Variants in LRFN2 observed in about 807,000 individuals in gnomAD.
LRFN2 encodes leucine rich repeat and fibronectin type III domain containing 2.
A neutral mutation model predicts 37.3 loss-of-function variants in LRFN2; 18 were observed. The ratio of observed to expected loss-of-function variants is 0.48; its 90% confidence interval spans 0.33 to 0.72. The LOEUF is 0.72. Ranked by LOEUF, LRFN2 falls within the 30% of genes least tolerant of loss-of-function variation. The pLI is 0.02. For synonymous variants in LRFN2, 556 were observed against 466.6 expected (o/e 1.19, Z -2.47); for missense variants, 1,006 against 1,060.7 (o/e 0.95, Z 0.72).
At chr6:40,490,134 G>A (rs1262691596) in intron 1 of LRFN2, among the ~76,000 whole-genome samples, 1 of 152,170 alleles carries the variant, frequency 6.6e-6, no homozygotes, top group African/African-American at 2.4e-5. Context: ...CAGACCCCGT[G>A]GAAGCACATC....
At chr6:40,537,035 A>T (rs1194190996) in intron 1 of LRFN2, among the ~76,000 whole-genome samples, 1 of 152,242 alleles carries the variant, frequency 6.6e-6, no homozygotes, top group Non-Finnish European at 1.5e-5. Context: ...CGGAGGGTTG[A>T]CATACCCTGC....
In LRFN2 at chr6:40,392,869, C is replaced by G; in HGVS notation, c.1444G>C (p.Val482Leu). ...SNKAFVVNNL[V>L]SGTGYDLCVL... ...CACAAGTCGTAGCCAGTCCCTGACA[C>G]CAGGTTGTTGACCACGAAGGCCTTG... is the stretch of plus-strand genomic sequence containing the variant. The change falls in exon 3 of 3, where the codon GTG becomes CTG. Residue 482 changes from valine to leucine, a missense_variant. Val to Leu is a conservative substitution (Grantham distance 32, BLOSUM62 1). Coordinates refer to ENST00000338305, the MANE Select transcript of LRFN2 (RefSeq NM_020737.3). The surrounding 1 kb of genome is among the most constrained non-coding windows in gnomAD (Gnocchi z 4.7). 6.2e-7 allele frequency: 1 copy of G among 1,613,396 alleles called. No homozygotes were observed. Among genetic ancestry groups the G allele is most frequent in the Non-Finnish European group, 8.5e-7 (1 of 1,179,730 alleles).
At chr6:40,539,415 A>T (rs1766511711) in intron 1 of LRFN2, among the ~76,000 whole-genome samples, 1 of 152,232 alleles carries the variant, frequency 6.6e-6, no homozygotes, top group Admixed American at 6.5e-5. Flanking sequence ...ATAAATAAAG[A>T]CAGAGAGTTC....
intron 1 of LRFN2, among the ~76,000 whole-genome samples, chr6:40,504,360 G>A (rs182786588): frequency 1.4e-4 from 22 of 152,268 alleles, no homozygotes; most frequent in Admixed American, 1.4e-3. Flanking sequence ...ATAATCACAG[G>A]ACGATCTTAA....
At chr6:40,532,996 G>A (rs1215145993) in intron 1 of LRFN2, among the ~76,000 whole-genome samples, 1 of 152,170 alleles carries the variant, frequency 6.6e-6, no homozygotes, top group East Asian at 1.9e-4. Flanking sequence ...AAAATGCAAC[G>A]GCCAACTGTA....
At chr6:40,499,400 A>G (rs980512394) in intron 1 of LRFN2, among the ~76,000 whole-genome samples, 1 of 150,956 alleles carries the variant, frequency 6.6e-6, no homozygotes, top group Non-Finnish European at 1.5e-5. Context: ...TTTTTTTTTT[A>G]AAGAATCAGA....
At position 40,552,863 on chromosome 6, in the gene LRFN2, A is replaced by G. The variant is rs189854436; in HGVS notation, c.-19+34078T>C. Among the ~76,000 whole-genome samples the G allele has an allele frequency of 2.0e-5, 3 of 152,274 alleles. No individual in the cohort carries two copies. In the East Asian group the frequency reaches 5.8e-4, roughly 29 times the overall value. ...ATCAGTTCCCATCATGTACTATGGA[A>G]TTTTCTTGACTAGAATAATTCTGTG... is the stretch of plus-strand genomic sequence containing the variant. On this transcript the variant is annotated intron_variant, in intron 1 of 2. Transcript: ENST00000338305.
intron 1 of LRFN2, among the ~76,000 whole-genome samples, chr6:40,460,487 C>T (rs865860701): frequency 5.3e-5 from 8 of 152,262 alleles, no homozygotes; most frequent in Middle Eastern, 3.4e-3. Context: ...GAATGGAGAG[C>T]TGGATTCAGC....
chr6:40,429,270 C>G (rs1332503770), intron 2 of LRFN2, among the ~76,000 whole-genome samples: 2 of 152,238 alleles, frequency 1.3e-5, no homozygotes, highest in African/African-American at 4.8e-5. Context: ...CTGTCCTCCT[C>G]CTCCCAGTAT....
Position 40,399,648 on chromosome 6 carries a change from C to T in LRFN2, c.1401-6736G>A, listed in dbSNP as rs1332412692. Among the ~76,000 whole-genome samples, 2 of 151,210 alleles carry T rather than the reference C, an allele frequency of 1.3e-5. 1 individual carries two copies. Among genetic ancestry groups the T allele is most frequent in the African/African-American group, 4.8e-5 (2 of 41,306 alleles). ...AGGCGGGGTTTCACCATGTTGCCCA[C>T]GGTGGTCTTGAACTCTTGAGCTCAG... On this transcript the variant is annotated intron_variant, in intron 2 of 2. Transcript: ENST00000338305.
chr6:40,440,308 G>A (rs935230451), intron 1 of LRFN2, among the ~76,000 whole-genome samples: 9 of 152,120 alleles, frequency 5.9e-5, no homozygotes, highest in East Asian at 3.9e-4. Flanking sequence ...TAGCACGTCC[G>A]TGATAGCTTT....
chr6:40,444,335 C>A (rs924645870), intron 1 of LRFN2, among the ~76,000 whole-genome samples: 5 of 152,148 alleles, frequency 3.3e-5, no homozygotes, highest in African/African-American at 1.2e-4. Context: ...CCATTGGAAA[C>A]AACAAACCCA....
chr6:40,476,232 C>T (rs1006943861), intron 1 of LRFN2, among the ~76,000 whole-genome samples: 4 of 152,218 alleles, frequency 2.6e-5, no homozygotes, highest in African/African-American at 9.6e-5. Context: ...TCCCCCTCCC[C>T]ACATTTATTG....
chr6:40,511,875 G>A (rs2113887681), intron 1 of LRFN2, among the ~76,000 whole-genome samples: 1 of 152,314 alleles, frequency 6.6e-6, no homozygotes, highest in South Asian at 2.1e-4. Flanking sequence ...AAGAGGTGTA[G>A]GTTTCAATTA....
chr6:40,475,479 G>A (rs1764689381), intron 1 of LRFN2, among the ~76,000 whole-genome samples: 1 of 152,134 alleles, frequency 6.6e-6, no homozygotes, highest in Non-Finnish European at 1.5e-5. Context: ...CTGGTGGGGT[G>A]TCATGAGATG....
intron 1 of LRFN2, among the ~76,000 whole-genome samples, chr6:40,525,970 C>CGAAG (rs1173388607): frequency 6.6e-6 from 1 of 152,166 alleles, no homozygotes; most frequent in Non-Finnish European, 1.5e-5. Context: ...ACACTGAACA[C>CGAAG]GAAGGCACGA....
intron 1 of LRFN2, among the ~76,000 whole-genome samples, chr6:40,456,285 A>T (rs1764233026): frequency 6.6e-6 from 1 of 152,266 alleles, no homozygotes; most frequent in African/African-American, 2.4e-5. Context: ...ACAAAAAACT[A>T]ACACATACCC....
At chr6:40,395,503 A>G (rs756029943) in intron 2 of LRFN2, among the ~76,000 whole-genome samples, 1 of 152,160 alleles carries the variant, frequency 6.6e-6, no homozygotes, top group Non-Finnish European at 1.5e-5. Flanking sequence ...GGGCCTGAGG[A>G]GCCCTGTGTG....
At chr6:40,423,414 T>G (rs202228021) in intron 2 of LRFN2, among the ~76,000 whole-genome samples, 9 of 152,204 alleles carry the variant, frequency 5.9e-5, no homozygotes, top group Admixed American at 6.5e-5. Flanking sequence ...CTAACCAGTA[T>G]GCCGCTGTTA....
Sources: gnomAD v4.1 joint callset for allele counts (sites outside exome capture counted in the v4.1 genomes callset) on GRCh38, gnomAD v4.1.1 for gene constraint, Gnocchi (gnomAD v3.1) non-coding constraint, MANE v1.5 for transcripts, NCBI Gene and HGNC (gene_info 2026-07-23, HGNC 2026-07-21) for gene names.